The following GTF2IRD1 variants were observed in gnomAD, a reference collection of about 807,000 sequenced individuals.
GTF2IRD1 encodes the protein GTF2I repeat domain containing 1, also known as general transcription factor II-I repeat domain-containing protein 1.
GTF2IRD1 carries 26 observed loss-of-function variants against 113.2 expected under a neutral mutation model. The observed-to-expected ratio is 0.23, with a 90% CI of 0.17 to 0.32. The LOEUF is 0.32. Among genes scored for constraint, GTF2IRD1 ranks in the 10% least tolerant of loss-of-function variants. The pLI is 1.00. For synonymous variants in GTF2IRD1, 484 were observed against 529.1 expected, an observed-to-expected ratio of 0.91 and a Z score of 1.17; for missense variants, 864 against 1,280.8, an observed-to-expected ratio of 0.67 and a Z score of 4.97.
At chr7:74,527,672 ACT>A (rs1797683856) in intron 8 of GTF2IRD1, among the ~76,000 whole-genome samples, 1 of 151,832 alleles carries the variant, frequency 6.6e-6, no homozygotes, top group South Asian at 2.1e-4. Flanking sequence ...TGAAACCCTG[ACT>A]CTACTAAAAA....
chr7:74,561,303 CG>C (rs1554358989), intron 22 of GTF2IRD1, among the ~76,000 whole-genome samples: 1 of 148,020 alleles, frequency 6.8e-6, no homozygotes, highest in African/African-American at 2.5e-5. Context: ...GAGCCGAGAT[CG>C]CGCGACTGCA....
intron 22 of GTF2IRD1, among the ~76,000 whole-genome samples, chr7:74,577,039 ATTTG>A (rs1296346545): frequency 1.3e-5 from 2 of 149,212 alleles, no homozygotes; most frequent in Non-Finnish European, 3.0e-5. Flanking sequence ...CATTTTTTTT[ATTTG>A]TTTGTTTGTT....
chr7:74,564,894 C>CTTGAGAGG (rs1554360228), intron 22 of GTF2IRD1, among the ~76,000 whole-genome samples: 1 of 152,160 alleles, frequency 6.6e-6, no homozygotes, highest in Admixed American at 6.5e-5. Context: ...AGGCGTCTAG[C>CTTGAGAGG]TTGAGAGGAA....
intron 1 of GTF2IRD1, among the ~76,000 whole-genome samples, chr7:74,500,113 A>G (rs904738711): frequency 2.6e-5 from 4 of 152,178 alleles, no homozygotes; most frequent in African/African-American, 4.8e-5. Context: ...ATGCTGGTGC[A>G]TGGTGTAAGG....
intron 1 of GTF2IRD1, among the ~76,000 whole-genome samples, chr7:74,478,249 CAG>C (rs1324408872): frequency 1.3e-5 from 2 of 152,176 alleles, no homozygotes; most frequent in African/African-American, 4.8e-5. Context: ...GACCTGATGT[CAG>C]GGGTGGACAG....
chr7:74,522,612 C>A (rs1321049179), intron 7 of GTF2IRD1, among the ~76,000 whole-genome samples: 1 of 152,204 alleles, frequency 6.6e-6, no homozygotes, highest in East Asian at 1.9e-4. Flanking sequence ...AACAACCCAA[C>A]CTGTCACTGC....
chr7:74,488,833 A>G (rs1430937690), intron 1 of GTF2IRD1, among the ~76,000 whole-genome samples: 3 of 151,568 alleles, frequency 2.0e-5, no homozygotes, highest in African/African-American at 7.3e-5. Flanking sequence ...AACCTCTACT[A>G]AGAGTGCCTT....
intron 22 of GTF2IRD1, among the ~76,000 whole-genome samples, chr7:74,586,021 G>A (rs587602174): frequency 5.8e-4 from 88 of 152,276 alleles, no homozygotes; most frequent in Non-Finnish European, 1.0e-3. Flanking sequence ...GTGTGACCTT[G>A]GGCAAGTTTC....
intron 22 of GTF2IRD1, among the ~76,000 whole-genome samples, chr7:74,587,539 C>T (rs1448052402): frequency 6.6e-6 from 1 of 152,084 alleles, no homozygotes; most frequent in African/African-American, 2.4e-5. Flanking sequence ...TCCCTGCCTG[C>T]GTCTAGCTCC....
rs587724385 is a variant in GTF2IRD1 at position 74,600,616 on chromosome 7, C to T, written c.2630-428C>T. 7.9e-5 allele frequency among the ~76,000 whole-genome samples: 12 copies of T among 152,194 alleles called. No homozygotes were observed. The East Asian group carries it at 2.1e-3, about 27-fold the overall frequency. ...ACCCCAGCTACTTGGGAGGCTCAGG[C>T]ACTAGAATCGCTTGAACCCAGAAGG... On this transcript the variant is annotated intron_variant, in intron 25 of 26. Coordinates refer to ENST00000424337, the MANE Select transcript of GTF2IRD1 (RefSeq NM_005685.4).
chr7:74,509,155 G>A (rs1385977828), intron 2 of GTF2IRD1, among the ~76,000 whole-genome samples: 1 of 151,956 alleles, frequency 6.6e-6, no homozygotes, highest in Non-Finnish European at 1.5e-5. Flanking sequence ...TCAGGAGTTC[G>A]AGACCAGCCT....
At chr7:74,521,349 A>G (rs1554345957) in intron 7 of GTF2IRD1, 52 bp downstream of exon 7, 1 of 1,064,902 alleles carries the variant, frequency 9.4e-7, no homozygotes, top group South Asian at 1.2e-5. Context: ...CTGAGGTTGG[A>G]GGTGGTGCTT....
chr7:74,577,224 A>G (rs1361586248), intron 22 of GTF2IRD1, among the ~76,000 whole-genome samples: 23 of 152,124 alleles, frequency 1.5e-4, no homozygotes, highest in African/African-American at 5.3e-4. Context: ...TTTTTAGTAG[A>G]GACGGGATTT....
intron 22 of GTF2IRD1, among the ~76,000 whole-genome samples, chr7:74,561,552 G>T (rs1480642110): frequency 3.3e-5 from 5 of 151,608 alleles, no homozygotes; most frequent in Non-Finnish European, 7.4e-5. Flanking sequence ...AACGGCAGGG[G>T]TTGGGGGGTC....
chr7:74,481,330 A>T (rs1189195128), intron 1 of GTF2IRD1, among the ~76,000 whole-genome samples: 18 of 151,528 alleles, frequency 1.2e-4, no homozygotes, highest in Non-Finnish European at 2.5e-4. Context: ...CATATTTTAA[A>T]TTTTTTGTTA....
Position 74,506,196 on chromosome 7 carries a change from TCTC to T in GTF2IRD1, c.-6-1876_-6-1874del, listed in dbSNP as rs1466549850. On this transcript the variant is annotated intron_variant, in intron 1 of 26. Coordinates refer to ENST00000424337, the MANE Select transcript of GTF2IRD1 (RefSeq NM_005685.4). ...TTGTGAAGTGTGATGCACTGTCACATCTCCTGTTCTGTGTCATTGGCCAATGAT... is the reference window on the plus strand; with the variant it reads ...TTGTGAAGTGTGATGCACTGTCACATCTGTTCTGTGTCATTGGCCAATGAT... The T allele has an allele frequency of 2.0e-5, 3 of 152,266 alleles. No homozygotes were observed. The East Asian group carries it at 5.8e-4, about 29-fold the overall frequency. The allele number at this position is 152,266 out of a possible 1,614,324, so 9.4% of individuals were successfully genotyped here.
rs181170614 is a variant in GTF2IRD1, at chr7:74,555,022, A to G, written c.1917-152A>G. 143 of 658,968 alleles carry G rather than the reference A, an allele frequency of 2.2e-4. No homozygotes were observed. The East Asian group carries it at 2.5e-3, about 12-fold the overall frequency. 40.8% of individuals were successfully genotyped at this position (658,968 alleles called of 1,614,324 possible). A position where few individuals can be genotyped will look rare whatever the true frequency, so the allele number is the denominator to read the frequency against. On this transcript the variant is annotated intron_variant, in intron 17 of 26. Coordinates refer to ENST00000424337, the MANE Select transcript of GTF2IRD1 (RefSeq NM_005685.4). The surrounding 1 kb of genome is among the most constrained non-coding windows in gnomAD (Gnocchi z 5.3). ...AGCCCAGCGCAGCCCCCCAGATTCC[A>G]CATGTGGGGCGGCAGGGACTCCAGG...
At chr7:74,587,520 G>C (rs1801784100) in intron 22 of GTF2IRD1, among the ~76,000 whole-genome samples, 1 of 151,810 alleles carries the variant, frequency 6.6e-6, no homozygotes, top group South Asian at 2.1e-4. Flanking sequence ...TGAATCATCC[G>C]GCCCTGGCTC....
intron 14 of GTF2IRD1, among the ~76,000 whole-genome samples, chr7:74,542,678 C>T (rs1173683319): frequency 2.0e-5 from 3 of 152,228 alleles, no homozygotes; most frequent in Admixed American, 6.5e-5. Flanking sequence ...CAGTCTGTGG[C>T]GTAGCTATCC....
Sources: gnomAD v4.1 joint callset for allele counts (sites outside exome capture counted in the v4.1 genomes callset) on GRCh38, gnomAD v4.1.1 for gene constraint, Gnocchi (gnomAD v3.1) non-coding constraint, MANE v1.5 for transcripts, NCBI Gene and HGNC (gene_info 2026-07-23, HGNC 2026-07-21) for gene names.